The following SMARCD2 variants were observed in gnomAD, a reference collection of about 807,000 sequenced individuals.
SMARCD2 encodes the protein SWI/SNF-related matrix-associated actin-dependent regulator of chromatin subfamily D member 2.
In SMARCD2, 39 loss-of-function variants were observed where a neutral mutation model predicts 70.4. That is an observed-to-expected ratio of 0.55 (90% CI 0.43 to 0.72). The LOEUF (loss-of-function observed/expected upper bound fraction) is 0.72. Among genes scored for constraint, SMARCD2 ranks in the 30% least tolerant of loss-of-function variants. SMARCD2 has a pLI of 0.00. For synonymous variants in SMARCD2, 249 were observed against 279.4 expected (o/e 0.89, Z 1.08); for missense variants, 540 against 713.4 (o/e 0.76, Z 2.77).
At position 63,837,118 on chromosome 17, in the gene SMARCD2, C is replaced by T; in HGVS notation, c.445-74G>A. 6.2e-7 allele frequency: 1 copy of T among 1,612,468 alleles called. No individual in the cohort carries two copies. Among genetic ancestry groups the T allele is most frequent in the South Asian group, 1.1e-5 (1 of 91,004 alleles). On this transcript the variant is annotated intron_variant, in intron 3 of 12. Coordinates refer to ENST00000448276, the MANE Select transcript of SMARCD2 (RefSeq NM_001098426.2). This position sits in a 1 kb window ranked among gnomAD's most constrained non-coding sequence, Gnocchi z 6.4. ...GCTCTTTCCTCCCTTCCTGCTGCAG[C>T]CCAGCTTTGAGAGAGATGGACACCC...
At chr17:63,839,832 T>A (rs529737525) in intron 1 of SMARCD2, among the ~76,000 whole-genome samples, 1 of 152,168 alleles carries the variant, frequency 6.6e-6, no homozygotes, top group South Asian at 2.1e-4. Context: ...CTCCCATGAG[T>A]AAAAAGGATT....
At chr17:63,840,143 T>A (rs1036477998) in intron 1 of SMARCD2, among the ~76,000 whole-genome samples, 33 of 149,522 alleles carry the variant, frequency 2.2e-4, no homozygotes, top group East Asian at 2.0e-3. Flanking sequence ...AAAAAAAAAT[T>A]TTTTTTTTGA....
Position 63,833,496 on chromosome 17 carries a change from C to T in SMARCD2, c.1318-76G>A. The T allele has an allele frequency of 6.2e-7, 1 of 1,609,198 alleles. No individual in the cohort carries two copies. The highest frequency in any genetic ancestry group is 8.5e-7 in the Non-Finnish European group (1 of 1,176,486). On this transcript the variant is annotated intron_variant, in intron 10 of 12. Coordinates refer to ENST00000448276, the MANE Select transcript of SMARCD2 (RefSeq NM_001098426.2). The surrounding 1 kb of genome is among the most constrained non-coding windows in gnomAD (Gnocchi z 4.3). ...AACTGAGCCAGAGTTCCCATCCCGT[C>T]CTCCAGGTGCTACATGTATGGAAAT...
rs1202653083 is a variant in SMARCD2 at position 63,837,999 on chromosome 17, C to G, written c.217-374G>C. On this transcript the variant is annotated intron_variant, in intron 1 of 12. Coordinates refer to ENST00000448276, the MANE Select transcript of SMARCD2 (RefSeq NM_001098426.2). The surrounding 1 kb of genome is among the most constrained non-coding windows in gnomAD (Gnocchi z 6.4). ...GTCCCTATTCTCTCAGACAGTCCTG[C>G]CAAGCCCTGCCCTCCTTCTCTTTCT... is the stretch of plus-strand genomic sequence containing the variant. Among the ~76,000 whole-genome samples the G allele has an allele frequency of 1.3e-5, 2 of 152,140 alleles. No individual in the cohort carries two copies.
In SMARCD2 at chr17:63,834,800, G is replaced by C; in HGVS notation, c.724C>G (p.Pro242Ala). 6.2e-7 allele frequency: 1 copy of C among 1,606,912 alleles called. No individual in the cohort carries two copies. The highest frequency in any genetic ancestry group is 8.5e-7 in the Non-Finnish European group (1 of 1,173,432). ...GAAAACTTCCTCTTCTGTTTGCTAG[G>C]CTGGGGATGGAAAGGGGTGTGAGAT... ...LRVEGKLLDD[P>A]SKQKRKFSSF... Residue 242 changes from proline to alanine, a missense_variant and splice_region_variant, in exon 6 of 13, where the codon CCT becomes GCT. Transcript: ENST00000448276. This position sits in a 1 kb window ranked among gnomAD's most constrained non-coding sequence, Gnocchi z 5.6.
At position 63,832,874 on chromosome 17, in the gene SMARCD2, A is replaced by G; in HGVS notation, c.*64T>C. On this transcript the variant is annotated 3_prime_UTR_variant, in exon 13 of 13. Transcript: ENST00000448276. ...CCCCAGCCTACGTGTCTGCGGCCCC[A>G]GCAAGGACCCAGAGGGTGGTCTCCC... 8.3e-6 allele frequency: 12 copies of G among 1,449,582 alleles called. No homozygotes were observed. Among genetic ancestry groups the G allele is most frequent in the Non-Finnish European group, 1.1e-5 (12 of 1,055,632 alleles). The allele number at this position is 1,449,582 out of a possible 1,614,324, so 89.8% of individuals were successfully genotyped here. A position where few individuals can be genotyped will look rare whatever the true frequency, so the allele number is the denominator to read the frequency against.
chr17:63,839,291 C>A, intron 1 of SMARCD2: 2 of 958,430 alleles, frequency 2.1e-6, no homozygotes, highest in Non-Finnish European at 2.5e-6. Flanking sequence ...TGAGCGAGGG[C>A]CCTGTGGTCC....
chr17:63,834,205 C>T lies in SMARCD2; in HGVS notation c.1045G>A (p.Glu349Lys), dbSNP rs1421176553. Reference sequence around the variant, plus strand: ...CGGTTGCAGTTGATGTACTCCCGCTCGTGCCCATCCTGCAGCTGGTTGTGC... The same window carrying T: ...CGGTTGCAGTTGATGTACTCCCGCTTGTGCCCATCCTGCAGCTGGTTGTGC... ...IKHNQLQDGH[E>K]REYINCNRYF... is the part of the protein sequence containing the mutation. The change falls in exon 8 of 13, where the codon GAG becomes AAG. Residue 349 changes from glutamate (E) to lysine (K), a missense_variant. By Grantham distance (56) the Glu-to-Lys change is moderately conservative. Transcript: ENST00000448276. This position sits in a 1 kb window ranked among gnomAD's most constrained non-coding sequence, Gnocchi z 5.6. 7 of 1,608,024 alleles carry T rather than the reference C, an allele frequency of 4.4e-6. No homozygotes were observed. The highest frequency in any genetic ancestry group is 4.0e-5 in the African/African-American group (3 of 74,952).
In SMARCD2 at chr17:63,835,421, C is replaced by T; in HGVS notation, c.714G>A (p.Leu238=). Residue 238 remains leucine, a synonymous_variant, in exon 5 of 13, where the codon CTG becomes CTA. Transcript: ENST00000448276. ...TCCCTCCCCAACTCACATCATCCAG[C>T]AGTTTTCCTTCCACTCGGAGTTCCC... ...ASWELRVEGK[L]LDDPSKQKRK... The T allele has an allele frequency of 6.2e-7, 1 of 1,613,214 alleles. No individual in the cohort carries two copies. The highest frequency in any genetic ancestry group is 8.5e-7 in the Non-Finnish European group (1 of 1,179,396).
chr17:63,841,711 C>T (rs1386559761), intron 1 of SMARCD2, among the ~76,000 whole-genome samples: 1 of 152,216 alleles, frequency 6.6e-6, no homozygotes, highest in Non-Finnish European at 1.5e-5. Flanking sequence ...CTCCTCCGGC[C>T]CCAGACCAGC....
At chr17:63,838,621 C>A in intron 1 of SMARCD2, 16 of 1,496,544 alleles carry the variant, frequency 1.1e-5, no homozygotes, top group Non-Finnish European at 1.4e-5. Flanking sequence ...TGAGGCCTTG[C>A]TCCCTGACAT....
rs2144624679 is a variant in SMARCD2 at position 63,833,140 on chromosome 17, C to T, written c.1471G>A (p.Glu491Lys). The change falls in exon 12 of 13, where the codon GAG becomes AAG. Residue 491 changes from glutamate to lysine, a missense_variant. Physicochemically the swap from Glu to Lys is moderately conservative, Grantham distance 56. Transcript: ENST00000448276. The surrounding 1 kb of genome is among the most constrained non-coding windows in gnomAD (Gnocchi z 4.3). Reference protein sequence around the residue: ...IITDVIGNPEEERRAAFYHQP... With the variant: ...IITDVIGNPEKERRAAFYHQP... ...TGGTAGAAAGCAGCTCGTCTCTCCT[C>T]CTCAGGATTTCCAATCACATCAGTG... The T allele has an allele frequency of 6.2e-7, 1 of 1,608,320 alleles. No homozygotes were observed. Among genetic ancestry groups the T allele is most frequent in the Non-Finnish European group, 8.5e-7 (1 of 1,177,300 alleles).
intron 1 of SMARCD2, chr17:63,839,106 G>T: frequency 1.0e-6 from 1 of 985,370 alleles, no homozygotes; most frequent in Non-Finnish European, 1.2e-6. Flanking sequence ...GCTGTTGAAA[G>T]GCAAAAGACA....
Position 63,833,852 on chromosome 17 carries a change from A to G in SMARCD2, c.1181+57T>C, listed in dbSNP as rs552134413. The G allele has an allele frequency of 1.3e-4, 204 of 1,553,072 alleles. No homozygotes were observed. The highest frequency in any genetic ancestry group is 6.8e-4 in the Middle Eastern group (4 of 5,912). ...CTGATGCTTTCTTTGGCTTTAGTTC[A>G]AGCCAAGGGTGAATCTGCTCTTAGA... On this transcript the variant is annotated intron_variant, in intron 9 of 12. Coordinates refer to ENST00000448276, the MANE Select transcript of SMARCD2 (RefSeq NM_001098426.2). This position sits in a 1 kb window ranked among gnomAD's most constrained non-coding sequence, Gnocchi z 4.3.
intron 1 of SMARCD2, 142 bp downstream of exon 1, chr17:63,842,317 C>A: frequency 4.3e-6 from 5 of 1,155,626 alleles, no homozygotes; most frequent in Non-Finnish European, 5.3e-6. Context: ...CGCCGCAGCC[C>A]GAGGGTCCCG....
rs1567761312 is a variant in SMARCD2, at chr17:63,834,954, C to T, written c.724-154G>A. The T allele has an allele frequency of 8.1e-6, 5 of 618,126 alleles. No homozygotes were observed. The highest frequency in any genetic ancestry group is 5.5e-5 in the East Asian group (2 of 36,558). 38.3% of individuals were successfully genotyped at this position (618,126 alleles called of 1,614,324 possible). A position where few individuals can be genotyped will look rare whatever the true frequency, so the allele number is the denominator to read the frequency against. On this transcript the variant is annotated intron_variant, in intron 5 of 12. Coordinates refer to ENST00000448276, the MANE Select transcript of SMARCD2 (RefSeq NM_001098426.2). This position sits in a 1 kb window ranked among gnomAD's most constrained non-coding sequence, Gnocchi z 5.6. ...GGATGGAAGCAGGACTCTGGGCAGA[C>T]TGGAGGCAGGGAAATGGTGCCCTCT...
chr17:63,837,427 C>A lies in SMARCD2; in HGVS notation c.401+14G>T. 6.4e-7 allele frequency: 1 copy of A among 1,570,590 alleles called. No individual in the cohort carries two copies. The highest frequency in any genetic ancestry group is 8.6e-7 in the Non-Finnish European group (1 of 1,156,248). ...GCTGAGTTAGGCAGAGTGAGAGAAG[C>A]AGGATGCTCTTACCCCCGGCGCTGG... On this transcript the variant is annotated intron_variant, in intron 2 of 12. Transcript: ENST00000448276. This position sits in a 1 kb window ranked among gnomAD's most constrained non-coding sequence, Gnocchi z 6.4.
At position 63,837,285 on chromosome 17, in the gene SMARCD2, A is replaced by C. The variant is rs2040277698; in HGVS notation, c.402-48T>G. The C allele has an allele frequency of 1.9e-6, 3 of 1,592,100 alleles. No individual in the cohort carries two copies. The highest frequency in any genetic ancestry group is 1.7e-5 in the Admixed American group (1 of 59,976). ...TAAGAGGTCAATGGTCCAAAAAAGGACACTCACTCCCATAACGCCCCTCCA... is the reference window on the plus strand; with the variant it reads ...TAAGAGGTCAATGGTCCAAAAAAGGCCACTCACTCCCATAACGCCCCTCCA... On this transcript the variant is annotated intron_variant, in intron 2 of 12. Coordinates refer to ENST00000448276, the MANE Select transcript of SMARCD2 (RefSeq NM_001098426.2). The surrounding 1 kb of genome is among the most constrained non-coding windows in gnomAD (Gnocchi z 6.4).
chr17:63,834,176 G>A lies in SMARCD2; in HGVS notation c.1074C>T (p.Tyr358=), dbSNP rs1293499638. ...HEREYINCNR[Y]FRQIFSCGRL... ...CTGGCATCTGGCTAACCTGGCGGAA[G>A]TAACGGTTGCAGTTGATGTACTCCC... Residue 358 remains tyrosine (Y), a synonymous_variant, in exon 8 of 13, where the codon TAC becomes TAT. Transcript: ENST00000448276. This position sits in a 1 kb window ranked among gnomAD's most constrained non-coding sequence, Gnocchi z 5.6. 1.2e-6 allele frequency: 2 copies of A among 1,608,400 alleles called. No homozygotes were observed. Among genetic ancestry groups the A allele is most frequent in the Non-Finnish European group, 1.7e-6 (2 of 1,177,250 alleles).
Sources: allele counts gnomAD v4.1 joint callset (sites outside exome capture counted in the v4.1 genomes callset), GRCh38; gene constraint gnomAD v4.1.1; non-coding constraint Gnocchi (gnomAD v3.1); transcripts MANE v1.5; gene names NCBI Gene and HGNC (gene_info 2026-07-23, HGNC 2026-07-21).